The following UPP2 variants were observed in gnomAD, a reference collection of about 807,000 sequenced individuals.
The protein encoded by UPP2 is UPase 2.
UPP2 carries 23 observed loss-of-function variants against 26.7 expected under a neutral mutation model. That is an observed-to-expected ratio of 0.86 (90% CI 0.62 to 1.22). UPP2 has a LOEUF of 1.22. Ranked by LOEUF, UPP2 falls within the 50% of genes most tolerant of loss-of-function variation. UPP2 has a pLI of 0.00. For missense variants in UPP2, 387 were observed against 396.7 expected (o/e 0.98, Z 0.21); for synonymous variants, 127 against 141.3 (o/e 0.90, Z 0.72).
chr2:158,086,487 A>T (rs1308866183), intron 3 of UPP2, among the ~76,000 whole-genome samples: 4 of 151,554 alleles, frequency 2.6e-5, no homozygotes, highest in Non-Finnish European at 5.9e-5. Context: ...TTTCAATTTC[A>T]TTTAGTTCTG....
intron 2 of UPP2, among the ~76,000 whole-genome samples, chr2:158,001,957 C>CAAAAAAAAA (rs200818827): frequency 9.2e-5 from 6 of 65,494 alleles, no homozygotes; most frequent in African/African-American, 1.9e-4. Context: ...GAATGAGCAC[C>CAAAAAAAAA]AAAAAAAAAA....
At chr2:158,134,521 G>A (rs1460534395) in intron 6 of UPP2, among the ~76,000 whole-genome samples, 3 of 152,210 alleles carry the variant, frequency 2.0e-5, no homozygotes, top group Non-Finnish European at 4.4e-5. Flanking sequence ...AAAGAGGAAG[G>A]AGGAGTGTTC....
intron 2 of UPP2, among the ~76,000 whole-genome samples, chr2:158,007,444 T>C (rs2105138071): frequency 6.6e-6 from 1 of 151,850 alleles, no homozygotes; most frequent in South Asian, 2.1e-4. Context: ...CAAATTGATC[T>C]TGCCCACTTC....
At chr2:158,108,285 T>C (rs1683236711) in intron 2 of UPP2, among the ~76,000 whole-genome samples, 1 of 152,152 alleles carries the variant, frequency 6.6e-6, no homozygotes. Context: ...ACTTTACAGA[T>C]GAGAAAACAC....
intron 4 of UPP2, among the ~76,000 whole-genome samples, chr2:158,119,009 A>G (rs1031024557): frequency 6.6e-5 from 10 of 152,084 alleles, no homozygotes; most frequent in South Asian, 4.1e-4. Flanking sequence ...AGTGCTAGCA[A>G]TAAGTGTCAG....
At chr2:158,120,962 G>A (rs1057474088) in intron 4 of UPP2, among the ~76,000 whole-genome samples, 3 of 152,020 alleles carry the variant, frequency 2.0e-5, no homozygotes, top group Non-Finnish European at 4.4e-5. Context: ...TGAAGTCGGC[G>A]AGAGAACAAA....
At chr2:158,007,184 A>C (rs1283537736) in intron 2 of UPP2, among the ~76,000 whole-genome samples, 1 of 152,170 alleles carries the variant, frequency 6.6e-6, no homozygotes, top group Non-Finnish European at 1.5e-5. Context: ...CTTGATATGC[A>C]TCATCTTATA....
At chr2:158,051,712 C>T (rs1682161621) in intron 3 of UPP2, among the ~76,000 whole-genome samples, 1 of 151,952 alleles carries the variant, frequency 6.6e-6, no homozygotes, top group Non-Finnish European at 1.5e-5. Flanking sequence ...ACCCAGGAGG[C>T]GGAGGTTGCA....
At chr2:158,104,551 C>A (rs10182683) in intron 1 of UPP2, among the ~76,000 whole-genome samples, 2,225 of 152,134 alleles carry the variant, frequency 0.015, 61 homozygotes, top group African/African-American at 0.05. Flanking sequence ...AATTTTAATG[C>A]AAACCCAAGT....
chr2:158,017,179 C>A (rs1302251250), intron 3 of UPP2, among the ~76,000 whole-genome samples: 1 of 152,106 alleles, frequency 6.6e-6, no homozygotes, highest in Non-Finnish European at 1.5e-5. Context: ...CCTCTTAAGA[C>A]CCTGTTAAAT....
chr2:158,106,690 T>G (rs893408361), intron 2 of UPP2, among the ~76,000 whole-genome samples: 5 of 152,194 alleles, frequency 3.3e-5, no homozygotes, highest in Non-Finnish European at 7.4e-5. Context: ...TAAGAAATAT[T>G]TCATACAAAT....
intron 3 of UPP2, among the ~76,000 whole-genome samples, chr2:158,078,041 T>A (rs554157140): frequency 7.2e-5 from 11 of 152,172 alleles, no homozygotes; most frequent in Middle Eastern, 3.4e-3. Flanking sequence ...ATGCTCAACA[T>A]CATTGATCAT....
intron 3 of UPP2, among the ~76,000 whole-genome samples, chr2:158,043,811 A>G (rs1345020169): frequency 6.6e-6 from 1 of 152,220 alleles, no homozygotes; most frequent in East Asian, 1.9e-4. Context: ...GTTTGCCAGC[A>G]TTAACGACAA....
intron 2 of UPP2, among the ~76,000 whole-genome samples, chr2:158,107,378 A>C (rs1683217426): frequency 6.6e-6 from 1 of 152,208 alleles, no homozygotes; most frequent in African/African-American, 2.4e-5. Context: ...TCTCTCCATA[A>C]AACAAGGAAA....
intron 3 of UPP2, among the ~76,000 whole-genome samples, chr2:158,022,644 G>A (rs1376424578): frequency 1.3e-5 from 2 of 152,054 alleles, no homozygotes; most frequent in East Asian, 1.9e-4. Flanking sequence ...TTCTACTGCA[G>A]GCACAGCCCT....
intron 3 of UPP2, among the ~76,000 whole-genome samples, chr2:158,019,367 G>A (rs1020841359): frequency 3.9e-5 from 6 of 152,086 alleles, no homozygotes; most frequent in Non-Finnish European, 7.4e-5. Context: ...ATCCATTGCT[G>A]GAGGACGGAG....
intron 3 of UPP2, among the ~76,000 whole-genome samples, chr2:158,079,550 C>A (rs1190577040): frequency 6.6e-6 from 1 of 152,120 alleles, no homozygotes; most frequent in Non-Finnish European, 1.5e-5. Context: ...CAGGTAGCAC[C>A]TGTCATCATT....
At chr2:158,001,029 T>A (rs1683396228) in intron 2 of UPP2, among the ~76,000 whole-genome samples, 1 of 152,240 alleles carries the variant, frequency 6.6e-6, no homozygotes, top group African/African-American at 2.4e-5. Flanking sequence ...GTATTGCTAA[T>A]CCTCAGTAAA....
At chr2:158,092,457 G>A (rs1307217392) in intron 3 of UPP2, among the ~76,000 whole-genome samples, 2 of 152,120 alleles carry the variant, frequency 1.3e-5, no homozygotes, top group Non-Finnish European at 2.9e-5. Flanking sequence ...GAGTGCTGAG[G>A]GAAAATCACT....
Sources: allele counts gnomAD v4.1 joint callset (sites outside exome capture counted in the v4.1 genomes callset), GRCh38; gene constraint gnomAD v4.1.1; transcripts MANE v1.5; gene names NCBI Gene and HGNC (gene_info 2026-07-23, HGNC 2026-07-21).